Variants in CYS1 observed in about 807,000 individuals in gnomAD.
The protein encoded by CYS1 is cystin 1.
A neutral mutation model predicts 9.6 loss-of-function variants in CYS1; 5 were observed. The ratio of observed to expected loss-of-function variants is 0.52; its 90% CI spans 0.27 to 1.10. The LOEUF (loss-of-function observed/expected upper bound fraction) is 1.10, where lower values mean the gene tolerates loss of function less well. Among genes scored for constraint, CYS1 ranks in the 50% least tolerant of loss-of-function variants. The probability of loss-of-function intolerance (pLI) is 0.11; values close to 1 mark genes in which losing one functional copy is unlikely to be tolerated. For synonymous variants in CYS1, 88 were observed against 95.7 expected, an observed-to-expected ratio of 0.92 and a Z score of 0.47; for missense variants, 221 against 207.9, an observed-to-expected ratio of 1.06 and a Z score of -0.39.
At chr2:10,069,912 C>T (rs1661742528) in intron 1 of CYS1, among the ~76,000 whole-genome samples, 1 of 152,172 alleles carries the variant, frequency 6.6e-6, no homozygotes, top group South Asian at 2.1e-4. Flanking sequence ...TGTGTCCCCA[C>T]TAAAGGGAGG....
chr2:10,063,334 G>A lies in CYS1; in HGVS notation c.371+2570C>T, dbSNP rs545082138. On this transcript the variant is annotated intron_variant, in intron 2 of 2. Transcript: ENST00000381813. The surrounding 1 kb of genome is among the most constrained non-coding windows in gnomAD (Gnocchi z 4.2). ...GGAAGTTGCACCATGCGGGAGGAGG[G>A]ACACTAGTTTGACCAGGAAGGGGAT... Among the ~76,000 whole-genome samples, 12 of 152,276 alleles carry A rather than the reference G, an allele frequency of 7.9e-5. No homozygotes were observed. The South Asian group carries it at 2.5e-3, about 32-fold the overall frequency.
In CYS1 at chr2:10,064,781, G is replaced by T. The variant is rs368102911; in HGVS notation, c.371+1123C>A. 3.2e-4 allele frequency among the ~76,000 whole-genome samples: 48 copies of T among 151,814 alleles called. 1 individual carries two copies. In the East Asian group the frequency reaches 5.4e-3, roughly 17 times the overall value. Reference sequence around the variant, plus strand: ...CACCCAGGCTGGAGTGAAGTGGCGCGATCTTGGCTCACTGCAACCTCCACC... The same window carrying T: ...CACCCAGGCTGGAGTGAAGTGGCGCTATCTTGGCTCACTGCAACCTCCACC... On this transcript the variant is annotated intron_variant, in intron 2 of 2. Coordinates refer to ENST00000381813, the MANE Select transcript of CYS1 (RefSeq NM_001037160.3).
chr2:10,080,321 G>C lies in CYS1; in HGVS notation c.-98C>G, dbSNP rs1038575786. On this transcript the variant is annotated 5_prime_UTR_variant, in exon 1 of 3. Coordinates refer to ENST00000381813, the MANE Select transcript of CYS1 (RefSeq NM_001037160.3). The surrounding 1 kb of genome is among the most constrained non-coding windows in gnomAD (Gnocchi z 6.4). ...GGGGTGCGGCCGGGGCGGGCTGCAG[G>C]GGGAGGCGCGGGGCGAGGTCCGGGA... 2 of 724,882 alleles carry C rather than the reference G, an allele frequency of 2.8e-6. No individual in the cohort carries two copies. The highest frequency in any genetic ancestry group is 3.4e-6 in the Non-Finnish European group (2 of 590,358). 44.9% of individuals were successfully genotyped at this position (724,882 alleles called of 1,614,324 possible). A position where few individuals can be genotyped will look rare whatever the true frequency, so the allele number is the denominator to read the frequency against.
intron 1 of CYS1, among the ~76,000 whole-genome samples, chr2:10,071,624 A>G (rs1558359954): frequency 6.6e-6 from 1 of 152,138 alleles, no homozygotes; most frequent in Non-Finnish European, 1.5e-5. Flanking sequence ...AATTTGTTTA[A>G]GCCTTGAACT....
intron 1 of CYS1, 108 bp from the exon 2 acceptor site, chr2:10,066,064 T>G (rs1661690963): frequency 7.9e-7 from 1 of 1,259,860 alleles, no homozygotes; most frequent in African/African-American, 1.5e-5. Context: ...CAACCCAGGA[T>G]CCATAAGCCT....
intron 1 of CYS1, among the ~76,000 whole-genome samples, chr2:10,072,962 G>C (rs978385053): frequency 6.6e-6 from 1 of 150,824 alleles, no homozygotes; most frequent in African/African-American, 2.4e-5. Flanking sequence ...GGGGAGCAGT[G>C]CAGATGTGTG....
chr2:10,062,519 G>T (rs1661641294), intron 2 of CYS1, among the ~76,000 whole-genome samples: 1 of 152,040 alleles, frequency 6.6e-6, no homozygotes, highest in Admixed American at 6.6e-5. Context: ...TCCTGTCTCA[G>T]CCTCCCAAGT....
chr2:10,058,609 G>A lies in CYS1; in HGVS notation c.*244C>T, dbSNP rs1661582507. On this transcript the variant is annotated 3_prime_UTR_variant, in exon 3 of 3. Coordinates refer to ENST00000381813, the MANE Select transcript of CYS1 (RefSeq NM_001037160.3). ...AGGCTCCCCGCGTTGGGGAGGAGGC[G>A]CCGGCGGCCCAGGCCCACGCACCTG... 3 of 402,744 alleles carry A rather than the reference G, an allele frequency of 7.4e-6. No homozygotes were observed. The highest frequency in any genetic ancestry group is 4.0e-5 in the Admixed American group (1 of 25,170). The allele number at this position is 402,744 out of a possible 1,614,324, so 24.9% of individuals were successfully genotyped here.
intron 1 of CYS1, among the ~76,000 whole-genome samples, chr2:10,071,964 A>G (rs1009213876): frequency 2.6e-5 from 4 of 152,204 alleles, no homozygotes; most frequent in African/African-American, 9.7e-5. Flanking sequence ...GGGCTTTGGA[A>G]AGACCAAACC....
At chr2:10,072,516 T>C (rs1661781738) in intron 1 of CYS1, among the ~76,000 whole-genome samples, 1 of 152,280 alleles carries the variant, frequency 6.6e-6, no homozygotes, top group Non-Finnish European at 1.5e-5. Context: ...TGTATGTACA[T>C]ACACCAGTTA....
In CYS1 at chr2:10,058,543, AC is replaced by A. The variant is rs1661581714; in HGVS notation, c.*309del. The A allele has an allele frequency of 3.4e-6, 1 of 295,210 alleles. No individual in the cohort carries two copies. Among genetic ancestry groups the A allele is most frequent in the African/African-American group, 2.1e-5 (1 of 47,348 alleles). 18.3% of individuals were successfully genotyped at this position (295,210 alleles called of 1,614,324 possible). A position where few individuals can be genotyped will look rare whatever the true frequency, so the allele number is the denominator to read the frequency against. On this transcript the variant is annotated 3_prime_UTR_variant, in exon 3 of 3. Coordinates refer to ENST00000381813, the MANE Select transcript of CYS1 (RefSeq NM_001037160.3). ...CCCTCCCCACTGTGGAGAGCGGGCAACCAAGAGGGGCACGCATTTCAGGCTC... is the reference window on the plus strand; with the variant it reads ...CCCTCCCCACTGTGGAGAGCGGGCAACAAGAGGGGCACGCATTTCAGGCTC...
rs868033799 is a variant in CYS1 at position 10,063,285 on chromosome 2, A to G, written c.371+2619T>C. On this transcript the variant is annotated intron_variant, in intron 2 of 2. Coordinates refer to ENST00000381813, the MANE Select transcript of CYS1 (RefSeq NM_001037160.3). The surrounding 1 kb of genome is among the most constrained non-coding windows in gnomAD (Gnocchi z 4.2). ...CCACATCACGTGGACCTACTACAGG[A>G]GAGGCCACATGTGGGAGGGGCTGGG... Among the ~76,000 whole-genome samples, 10 of 152,110 alleles carry G rather than the reference A, an allele frequency of 6.6e-5. No individual in the cohort carries two copies. Among genetic ancestry groups the G allele is most frequent in the African/African-American group, 1.9e-4 (8 of 41,404 alleles).
chr2:10,071,715 G>A (rs1252305559), intron 1 of CYS1, among the ~76,000 whole-genome samples: 1 of 152,228 alleles, frequency 6.6e-6, no homozygotes, highest in Admixed American at 6.5e-5. Context: ...GGTATGAAAA[G>A]CAAAGACACA....
chr2:10,059,094 T>C, intron 2 of CYS1, 136 bp from the exon 3 acceptor site: 1 of 754,916 alleles, frequency 1.3e-6, no homozygotes, highest in Non-Finnish European at 2.2e-6. Flanking sequence ...GGACACCCTG[T>C]GGCGCTCTCG....
intron 2 of CYS1, among the ~76,000 whole-genome samples, chr2:10,059,359 T>C (rs568158566): frequency 1.3e-5 from 2 of 152,346 alleles, no homozygotes; most frequent in Non-Finnish European, 2.9e-5. Flanking sequence ...AGATAATGCA[T>C]GGGCAGCATG....
intron 1 of CYS1, among the ~76,000 whole-genome samples, chr2:10,071,519 C>T (rs1186731018): frequency 6.6e-6 from 1 of 152,252 alleles, no homozygotes. Context: ...CAGGAGGAAG[C>T]AATTTCCCCA....
intron 1 of CYS1, among the ~76,000 whole-genome samples, chr2:10,068,841 C>T (rs1312998006): frequency 6.6e-6 from 1 of 152,092 alleles, no homozygotes; most frequent in Non-Finnish European, 1.5e-5. Flanking sequence ...GCGGGTGGAT[C>T]GCCTGAGGTC....
At chr2:10,078,736 G>T (rs548685957) in intron 1 of CYS1, among the ~76,000 whole-genome samples, 68 of 152,300 alleles carry the variant, frequency 4.5e-4, no homozygotes, top group African/African-American at 1.6e-3. Context: ...CTTCTTTAAG[G>T]CAAGGGCTAT....
intron 2 of CYS1, among the ~76,000 whole-genome samples, chr2:10,062,922 C>G (rs1661647125): frequency 6.6e-6 from 1 of 152,220 alleles, no homozygotes; most frequent in Admixed American, 6.5e-5. Context: ...TTTCTAGAAC[C>G]CCTATGTTCC....
Sources: gnomAD v4.1 joint callset for allele counts (sites outside exome capture counted in the v4.1 genomes callset) on GRCh38, gnomAD v4.1.1 for gene constraint, Gnocchi (gnomAD v3.1) non-coding constraint, MANE v1.5 for transcripts, NCBI Gene and HGNC (gene_info 2026-07-23, HGNC 2026-07-21) for gene names.